Variants in ARMC2 observed in about 807,000 individuals in gnomAD.
ARMC2 encodes armadillo repeat containing 2, also known as armadillo repeat-containing protein 2.
A neutral mutation model predicts 90.3 loss-of-function variants in ARMC2; 67 were observed. The ratio of observed to expected loss-of-function variants is 0.74; its 90% CI spans 0.61 to 0.91. The LOEUF (loss-of-function observed/expected upper bound fraction) is 0.91, where lower values mean the gene tolerates loss of function less well. ARMC2 is among the 40% of genes least tolerant of loss of function. The pLI is 0.00. For synonymous variants in ARMC2, 393 were observed against 393.0 expected (o/e 1.00, Z 0.00); for missense variants, 920 against 1,030.9 (o/e 0.89, Z 1.47).
chr6:108,927,565 A>G (rs1775201522), intron 10 of ARMC2, among the ~76,000 whole-genome samples: 1 of 152,150 alleles, frequency 6.6e-6, no homozygotes, highest in Non-Finnish European at 1.5e-5. Flanking sequence ...TTTTTAATAA[A>G]ATAAGACAAA....
chr6:108,932,604 C>T (rs1303104238), intron 11 of ARMC2, among the ~76,000 whole-genome samples: 1 of 141,294 alleles, frequency 7.1e-6, no homozygotes, highest in Non-Finnish European at 1.5e-5. Flanking sequence ...TCTCGGCTCA[C>T]TGCAAGCTCT....
intron 17 of ARMC2, among the ~76,000 whole-genome samples, chr6:108,965,937 A>G (rs1293814667): frequency 2.6e-5 from 4 of 151,406 alleles, no homozygotes; most frequent in Non-Finnish European, 5.9e-5. Context: ...ACTGGTGTGA[A>G]CCACCTTGCC....
At chr6:108,978,770 T>A (rs892336079), downstream of ARMC2, among the ~76,000 whole-genome samples, 3 of 152,100 alleles carry the variant, frequency 2.0e-5, no homozygotes, top group Non-Finnish European at 4.4e-5. Flanking sequence ...GTCTCTTTTG[T>A]TCTGTATTGG....
At chr6:108,991,637 A>C in the ARMC2 span, among the ~76,000 whole-genome samples, 2 of 152,132 alleles carry the variant, frequency 1.3e-5, no homozygotes, top group East Asian at 3.9e-4. Context: ...TCTCCTAATT[A>C]GTTTTCCTAT....
intron 13 of ARMC2, among the ~76,000 whole-genome samples, chr6:108,956,475 T>C (rs1292179246): frequency 6.6e-6 from 1 of 151,106 alleles, no homozygotes; most frequent in African/African-American, 2.4e-5. Flanking sequence ...GGCAGGCAGA[T>C]TGCTTGAGGC....
chr6:108,885,416 T>C (rs747668131), intron 5 of ARMC2, among the ~76,000 whole-genome samples: 1 of 152,096 alleles, frequency 6.6e-6, no homozygotes, highest in African/African-American at 2.4e-5. Flanking sequence ...TAAGAAAAAG[T>C]GATAATCTGG....
downstream of ARMC2, among the ~76,000 whole-genome samples, chr6:108,978,335 C>G (rs1779025100): frequency 6.6e-6 from 1 of 152,150 alleles, no homozygotes; most frequent in South Asian, 2.1e-4. Flanking sequence ...GTCCTGAGTT[C>G]TAATTTGATT....
At chr6:108,865,871 G>T (rs1012665983) in intron 3 of ARMC2, among the ~76,000 whole-genome samples, 1 of 152,016 alleles carries the variant, frequency 6.6e-6, no homozygotes, top group African/African-American at 2.4e-5. Flanking sequence ...TAAAAAATTA[G>T]CTGGGTGTGG....
intron 16 of ARMC2, among the ~76,000 whole-genome samples, 180 bp from the exon 17 acceptor site, chr6:108,964,800 A>G (rs1778251696): frequency 6.6e-6 from 1 of 152,092 alleles, no homozygotes; most frequent in South Asian, 2.1e-4. Context: ...AAAAAAAAAA[A>G]GGTGTAGAAG....
At chr6:108,979,365 T>G (rs561372924), downstream of ARMC2, among the ~76,000 whole-genome samples, 2 of 152,344 alleles carry the variant, frequency 1.3e-5, no homozygotes, top group South Asian at 2.1e-4. Flanking sequence ...AGATCCGCTG[T>G]TAGTCTGAAG....
intron 12 of ARMC2, among the ~76,000 whole-genome samples, chr6:108,952,785 G>T (rs976628623): frequency 6.6e-6 from 1 of 152,190 alleles, no homozygotes; most frequent in African/African-American, 2.4e-5. Flanking sequence ...TAAGATGAAG[G>T]ATCTGAAGGT....
the ARMC2 span, among the ~76,000 whole-genome samples, chr6:108,979,876 A>G: frequency 7.2e-5 from 11 of 151,838 alleles, no homozygotes; most frequent in African/African-American, 2.4e-4. Flanking sequence ...AACTTATTCT[A>G]GTTAGCAATT....
chr6:109,040,764 C>T, the ARMC2 span, among the ~76,000 whole-genome samples: 69 of 151,816 alleles, frequency 4.5e-4, no homozygotes, highest in African/African-American at 1.4e-3. Flanking sequence ...GCGATTCTCC[C>T]GCCTCAGCCT....
chr6:108,937,034 CT>C (rs1776012493), intron 12 of ARMC2, 35 bp downstream of exon 12: 2 of 1,473,808 alleles, frequency 1.4e-6, no homozygotes, highest in Non-Finnish European at 1.9e-6. Context: ...TTCAATGAGT[CT>C]TTACACTAAT....
intron 5 of ARMC2, among the ~76,000 whole-genome samples, chr6:108,891,560 G>A (rs1771027886): frequency 6.6e-6 from 1 of 152,204 alleles, no homozygotes; most frequent in African/African-American, 2.4e-5. Context: ...CTTTTGAGAA[G>A]TGTCTGTTCA....
the ARMC2 span, among the ~76,000 whole-genome samples, chr6:109,017,022 A>G: frequency 6.6e-6 from 1 of 151,988 alleles, no homozygotes; most frequent in African/African-American, 2.4e-5. Context: ...CTATTATTTT[A>G]TATATTTTAT....
chr6:109,049,068 G>T, the ARMC2 span, among the ~76,000 whole-genome samples: 1 of 152,208 alleles, frequency 6.6e-6, no homozygotes, highest in African/African-American at 2.4e-5. Flanking sequence ...ATGAATAAAT[G>T]ACAGCTATGA....
chr6:109,008,890 C>T, the ARMC2 span: 2 of 986,052 alleles, frequency 2.0e-6, no homozygotes, highest in Non-Finnish European at 2.4e-6. Context: ...TTTTTTCTTT[C>T]TCTCTCTTTT....
At chr6:109,005,137 T>C in the ARMC2 span, among the ~76,000 whole-genome samples, 8 of 152,200 alleles carry the variant, frequency 5.3e-5, no homozygotes, top group African/African-American at 7.2e-5. Flanking sequence ...CACTGCAACA[T>C]TGTTTCTAAT....
Sources: allele counts gnomAD v4.1 joint callset (sites outside exome capture counted in the v4.1 genomes callset), GRCh38; gene constraint gnomAD v4.1.1; transcripts MANE v1.5; gene names NCBI Gene and HGNC (gene_info 2026-07-23, HGNC 2026-07-21).